The following METTL15 variants were observed in gnomAD, a reference collection of about 807,000 sequenced individuals.
METTL15 encodes 12S rRNA N(4)-cytidine methyltransferase METTL15.
In METTL15, 34 loss-of-function variants were observed where a neutral mutation model predicts 38.3. That is an observed-to-expected ratio of 0.89 (90% CI 0.68 to 1.18). The LOEUF is 1.18. Ranked by LOEUF, METTL15 falls within the 50% of genes most tolerant of loss-of-function variation. The pLI is 0.00. For missense variants in METTL15, 438 were observed against 498.4 expected (o/e 0.88, Z 1.15); for synonymous variants, 162 against 170.9 (o/e 0.95, Z 0.41).
intron 5 of METTL15, among the ~76,000 whole-genome samples, chr11:28,386,669 A>G (rs1212007082): frequency 6.6e-6 from 1 of 151,994 alleles, no homozygotes; most frequent in African/African-American, 2.4e-5. Context: ...CCAGATGCTT[A>G]ATAAGGAAAT....
chr11:28,210,507 T>G (rs1211186668), intron 3 of METTL15, among the ~76,000 whole-genome samples: 1 of 151,924 alleles, frequency 6.6e-6, no homozygotes, highest in Non-Finnish European at 1.5e-5. Flanking sequence ...TCTCAGTTCA[T>G]ATTTGTTATT....
At chr11:28,221,389 C>T (rs1049914077) in intron 4 of METTL15, among the ~76,000 whole-genome samples, 8 of 152,134 alleles carry the variant, frequency 5.3e-5, no homozygotes, top group African/African-American at 1.4e-4. Context: ...ACGCAGTTCT[C>T]GTGCCATGGT....
intron 4 of METTL15, among the ~76,000 whole-genome samples, chr11:28,358,440 G>A (rs566463722): frequency 1.3e-5 from 2 of 152,286 alleles, no homozygotes; most frequent in Non-Finnish European, 2.9e-5. Context: ...TTTCCCTGAA[G>A]CACAAAATGT....
intron 6 of METTL15, among the ~76,000 whole-genome samples, chr11:28,497,042 CCT>C (rs1455071914): frequency 6.6e-6 from 1 of 152,166 alleles, no homozygotes; most frequent in Non-Finnish European, 1.5e-5. Context: ...CCATCTCTGC[CCT>C]TCAGGATTTT....
intron 4 of METTL15, among the ~76,000 whole-genome samples, chr11:28,234,066 G>A (rs1317231853): frequency 6.8e-6 from 1 of 146,696 alleles, no homozygotes; most frequent in Non-Finnish European, 1.5e-5. Flanking sequence ...TTGGTTTTTT[G>A]TCCTTGCGAT....
At chr11:28,119,282 A>G (rs574451247) in intron 3 of METTL15, among the ~76,000 whole-genome samples, 27 of 152,304 alleles carry the variant, frequency 1.8e-4, no homozygotes, top group Non-Finnish European at 3.5e-4. Context: ...GCTTACCATT[A>G]TATCTCTAGT....
intron 6 of METTL15, among the ~76,000 whole-genome samples, chr11:28,472,998 T>C (rs1267733551): frequency 5.3e-5 from 8 of 152,110 alleles, no homozygotes; most frequent in Admixed American, 2.6e-4. Context: ...ACTTCATAGG[T>C]TCTTACTAAA....
intron 3 of METTL15, among the ~76,000 whole-genome samples, chr11:28,132,636 C>T (rs1849376377): frequency 6.6e-6 from 1 of 151,972 alleles, no homozygotes; most frequent in South Asian, 2.1e-4. Context: ...TTTATATTTA[C>T]CCTACAGTGA....
intron 4 of METTL15, among the ~76,000 whole-genome samples, chr11:28,222,831 T>C (rs1180884950): frequency 1.3e-5 from 2 of 152,178 alleles, no homozygotes; most frequent in African/African-American, 2.4e-5. Context: ...GTTAGTAATA[T>C]AGAAGATAGG....
intron 6 of METTL15, among the ~76,000 whole-genome samples, chr11:28,465,397 C>T (rs1851248875): frequency 6.6e-6 from 1 of 152,030 alleles, no homozygotes; most frequent in African/African-American, 2.4e-5. Flanking sequence ...ACCTTTATTT[C>T]TTCAATTGAC....
At chr11:28,399,713 TCTA>T (rs771761215) in intron 5 of METTL15, among the ~76,000 whole-genome samples, 1 of 151,852 alleles carries the variant, frequency 6.6e-6, no homozygotes, top group Admixed American at 6.6e-5. Context: ...ATCTTTCTAA[TCTA>T]CTATCAAAAT....
chr11:28,484,632 A>T (rs1590390900), intron 6 of METTL15, among the ~76,000 whole-genome samples: 1 of 151,938 alleles, frequency 6.6e-6, no homozygotes, highest in South Asian at 2.1e-4. Flanking sequence ...AACATCCTAG[A>T]TCTATCTCCC....
chr11:28,239,628 T>C (rs1281819432), intron 4 of METTL15, among the ~76,000 whole-genome samples: 1 of 152,206 alleles, frequency 6.6e-6, no homozygotes, highest in South Asian at 2.1e-4. Flanking sequence ...CCTGTTTTTT[T>C]ACTCTGTTCT....
intron 4 of METTL15, among the ~76,000 whole-genome samples, chr11:28,260,730 A>G (rs559789392): frequency 8.9e-4 from 136 of 152,232 alleles, no homozygotes; most frequent in Non-Finnish European, 1.8e-3. Context: ...AAAATAGGGA[A>G]GAATATGGGG....
At chr11:28,259,757 C>T (rs7111038) in intron 4 of METTL15, among the ~76,000 whole-genome samples, 151,749 of 152,318 alleles carry the variant, frequency 1, 75,597 homozygotes, top group Non-Finnish European at 1. Context: ...TTCCTACCTC[C>T]TCAGTGCCTC....
chr11:28,122,333 ATGTGTGTGTGTGTGTGTGTG>A (rs61147516), intron 3 of METTL15, among the ~76,000 whole-genome samples: 5 of 112,042 alleles, frequency 4.5e-5, no homozygotes, highest in Admixed American at 8.4e-5. Context: ...ATGTGTGTAT[ATGTGTGTGTGTGTGTGTGTG>A]TGTGTGTGTG....
chr11:28,500,389 G>A (rs1851572278), intron 6 of METTL15, among the ~76,000 whole-genome samples: 1 of 152,200 alleles, frequency 6.6e-6, no homozygotes, highest in South Asian at 2.1e-4. Flanking sequence ...TACATCTGTT[G>A]AGGTGAACCT....
chr11:28,304,702 T>TA (rs1857021894), intron 6 of METTL15, among the ~76,000 whole-genome samples: 1 of 151,994 alleles, frequency 6.6e-6, no homozygotes, highest in African/African-American at 2.4e-5. Flanking sequence ...GGTGACAGAG[T>TA]AAAACTCTGT....
At chr11:28,129,519 C>T (rs952549124) in intron 3 of METTL15, among the ~76,000 whole-genome samples, 1 of 151,944 alleles carries the variant, frequency 6.6e-6, no homozygotes, top group African/African-American at 2.4e-5. Flanking sequence ...AAGAGATTCT[C>T]CCTCCTTAGT....
Sources: gnomAD v4.1 joint callset for allele counts (sites outside exome capture counted in the v4.1 genomes callset) on GRCh38, gnomAD v4.1.1 for gene constraint, MANE v1.5 for transcripts, NCBI Gene and HGNC (gene_info 2026-07-23, HGNC 2026-07-21) for gene names.